PCDH11X: variants seen among roughly 807,000 people sequenced by gnomAD.
The protein encoded by PCDH11X is protocadherin 11 X-linked.
PCDH11X carries 18 observed loss-of-function variants against 53.3 expected under a neutral mutation model. The observed-to-expected ratio is 0.34, with a 90% confidence interval of 0.23 to 0.50. PCDH11X has a LOEUF of 0.50. Ranked by LOEUF, PCDH11X falls within the 20% of genes least tolerant of loss-of-function variation. PCDH11X has a pLI of 0.98. For synonymous variants in PCDH11X, 279 were observed against 393.3 expected (o/e 0.71, Z 3.44); for missense variants, 570 against 1,032.4 (o/e 0.55, Z 6.14).
At chrX:92,108,255 AG>A (rs1219320225) in intron 6 of PCDH11X, among the ~76,000 whole-genome samples, 1 of 111,984 alleles carries the variant, frequency 8.9e-6, no homozygotes, top group Admixed American at 9.5e-5. Flanking sequence ...TAGACTGGCA[AG>A]TGCATTCAGC....
At chrX:92,056,988 T>C (rs1482972179) in intron 6 of PCDH11X, among the ~76,000 whole-genome samples, 1 of 111,139 alleles carries the variant, frequency 9.0e-6, no homozygotes, top group African/African-American at 3.3e-5. Context: ...GATAACTAGT[T>C]GCGTCTTTAG....
intron 7 of PCDH11X, among the ~76,000 whole-genome samples, chrX:92,256,729 A>G (rs1034958627): frequency 1.8e-5 from 2 of 109,633 alleles, no homozygotes; most frequent in African/African-American, 3.3e-5. Context: ...CAACCCTTTG[A>G]CAGACCCCCA....
rs138603895 is a variant in PCDH11X, at chrX:92,581,278, C to A, written c.3368-36986C>A. Among the ~76,000 whole-genome samples, 7 of 111,245 alleles carry A rather than the reference C, an allele frequency of 6.3e-5. No homozygotes were observed. The East Asian group carries it at 1.7e-3, about 27-fold the overall frequency. ...CACATGGTACATTAACCAAGGTAGA[C>A]CATTGATATGTTTTGGCTGTGTCCC... On this transcript the variant is annotated intron_variant, in intron 10 of 10. Transcript: ENST00000682573.
At position 92,597,488 on chromosome X, in the gene PCDH11X, A is replaced by G. The variant is rs953664332; in HGVS notation, c.3368-20776A>G. ...ATAACCAAAGAAGTAAAAGATCGCTATAATAAAAAACTATAAAACACTGAC... is the reference window on the plus strand; with the variant it reads ...ATAACCAAAGAAGTAAAAGATCGCTGTAATAAAAAACTATAAAACACTGAC... On this transcript the variant is annotated intron_variant, in intron 10 of 10. Coordinates refer to ENST00000682573, the MANE Select transcript of PCDH11X (RefSeq NM_032968.5). 3.6e-5 allele frequency among the ~76,000 whole-genome samples: 4 copies of G among 111,730 alleles called. No homozygotes were observed. In the Admixed American group the frequency reaches 3.8e-4, roughly 11 times the overall value.
At chrX:92,594,038 G>A (rs988528179) in intron 10 of PCDH11X, among the ~76,000 whole-genome samples, 1 of 90,514 alleles carries the variant, frequency 1.1e-5, no homozygotes, top group Non-Finnish European at 2.2e-5. Context: ...TTGAATAAAC[G>A]ACAGAAATTA....
intron 9 of PCDH11X, among the ~76,000 whole-genome samples, chrX:92,462,643 T>G (rs759308023): frequency 9.1e-6 from 1 of 110,012 alleles, no homozygotes; most frequent in African/African-American, 3.3e-5. Flanking sequence ...TCATTAAAAT[T>G]TGTATATTAT....
intron 5 of PCDH11X, among the ~76,000 whole-genome samples, chrX:91,846,384 G>A (rs1049955541): frequency 3.6e-5 from 4 of 110,796 alleles, no homozygotes; most frequent in African/African-American, 9.8e-5. Context: ...TTCGGAGGCC[G>A]TGGCGGGCGG....
intron 7 of PCDH11X, among the ~76,000 whole-genome samples, chrX:92,214,754 A>T (rs2148341637): frequency 8.9e-6 from 1 of 111,816 alleles, no homozygotes; most frequent in Admixed American, 9.6e-5. Context: ...GGCCTGTTAA[A>T]GTACTGCCAG....
intron 10 of PCDH11X, among the ~76,000 whole-genome samples, chrX:92,474,940 T>C (rs6522539): frequency 0.42 from 44,192 of 104,229 alleles, 9,565 homozygotes; most frequent in African/African-American, 0.78. Flanking sequence ...CCGAGGCGGG[T>C]GGATCACGAG....
chrX:91,998,674 ACC>A (rs2062459239), intron 6 of PCDH11X, among the ~76,000 whole-genome samples: 4 of 110,458 alleles, frequency 3.6e-5, no homozygotes. Flanking sequence ...GATATATTCT[ACC>A]ATGTTGAACA....
At chrX:92,479,826 C>T (rs2750799) in intron 10 of PCDH11X, among the ~76,000 whole-genome samples, 3 of 108,493 alleles carry the variant, frequency 2.8e-5, no homozygotes, top group Non-Finnish European at 3.8e-5. Context: ...TGATTGTGTT[C>T]GGAATGATTT....
chrX:92,284,694 A>G (rs776377024), intron 8 of PCDH11X, among the ~76,000 whole-genome samples: 1 of 89,984 alleles, frequency 1.1e-5, no homozygotes, highest in Admixed American at 1.1e-4. Context: ...AAATATTTCT[A>G]CTGCCTACAA....
intron 6 of PCDH11X, among the ~76,000 whole-genome samples, chrX:92,037,356 A>G (rs1281131524): frequency 9.0e-6 from 1 of 110,950 alleles, no homozygotes; most frequent in Non-Finnish European, 1.9e-5. Flanking sequence ...GTTGGCATCC[A>G]GCTTCATCCA....
intron 6 of PCDH11X, among the ~76,000 whole-genome samples, chrX:91,912,675 G>A (rs1485857613): frequency 9.1e-6 from 1 of 110,016 alleles, no homozygotes. Context: ...AAGTGGGGGG[G>A]AAATGGCAGA....
chrX:92,026,492 A>G (rs188814603), intron 6 of PCDH11X, among the ~76,000 whole-genome samples: 118 of 110,990 alleles, frequency 1.1e-3, no homozygotes, highest in Non-Finnish European at 7.4e-4. Context: ...TACATTTCCC[A>G]TAAGACTCAA....
intron 10 of PCDH11X, among the ~76,000 whole-genome samples, chrX:92,525,176 A>T (rs2074427949): frequency 8.9e-6 from 1 of 111,892 alleles, no homozygotes; most frequent in Non-Finnish European, 1.9e-5. Context: ...TTAATTTTGA[A>T]TTCTTTTTGT....
At chrX:92,208,271 G>A (rs1455426137) in intron 7 of PCDH11X, among the ~76,000 whole-genome samples, 2 of 103,082 alleles carry the variant, frequency 1.9e-5, no homozygotes, top group East Asian at 6.0e-4. Flanking sequence ...AGTCTCCTAA[G>A]CATTTAAAAC....
chrX:92,307,962 C>T (rs1267303575), intron 8 of PCDH11X, among the ~76,000 whole-genome samples: 24 of 104,326 alleles, frequency 2.3e-4, no homozygotes, highest in South Asian at 4.6e-4. Flanking sequence ...AGGAGGTGAA[C>T]GACTTGTAGA....
At chrX:92,225,331 C>CAAAAAAAAAAA (rs35632625) in intron 7 of PCDH11X, among the ~76,000 whole-genome samples, 1 of 69,425 alleles carries the variant, frequency 1.4e-5, no homozygotes. Context: ...CACAATAATT[C>CAAAAAAAAAAA]AAAAAAAAAA....
Sources: gnomAD v4.1 joint callset for allele counts (sites outside exome capture counted in the v4.1 genomes callset) on GRCh38, gnomAD v4.1.1 for gene constraint, MANE v1.5 for transcripts, NCBI Gene and HGNC (gene_info 2026-07-23, HGNC 2026-07-21) for gene names.